Variants in RAB3GAP2 observed in about 807,000 individuals in gnomAD.
RAB3GAP2 encodes rab3 GTPase-activating protein non-catalytic subunit.
A neutral mutation model predicts 185.3 loss-of-function variants in RAB3GAP2; 87 were observed. The observed-to-expected ratio is 0.47, with a 90% CI of 0.39 to 0.56. The LOEUF (loss-of-function observed/expected upper bound fraction) is 0.56. Ranked by LOEUF, RAB3GAP2 falls within the 20% of genes least tolerant of loss-of-function variation. The pLI, the probability that RAB3GAP2 is intolerant of heterozygous loss-of-function variation, is 0.00. For missense variants in RAB3GAP2, 1,492 were observed against 1,638.2 expected, an observed-to-expected ratio of 0.91 and a Z score of 1.54; for synonymous variants, 554 against 576.1, an observed-to-expected ratio of 0.96 and a Z score of 0.55.
chr1:220,269,752 A>G lies in RAB3GAP2; in HGVS notation c.115+2471T>C, dbSNP rs575008114. ...AAAAGGCAATGTTGTGATCTAAATT[A>G]TGCCTTAAAAGCTCACTGTAACTAC... On this transcript the variant is annotated intron_variant, in intron 1 of 34. Transcript: ENST00000358951. 5.1e-4 allele frequency among the ~76,000 whole-genome samples: 78 copies of G among 152,284 alleles called. 3 individuals are homozygous for G. The South Asian group carries it at 0.016, about 30-fold the overall frequency.
At chr1:220,183,112 A>C (rs1412812332) in intron 19 of RAB3GAP2, among the ~76,000 whole-genome samples, 181 bp from the exon 20 acceptor site, 1 of 152,236 alleles carries the variant, frequency 6.6e-6, no homozygotes, top group Non-Finnish European at 1.5e-5. Flanking sequence ...TAAATAAAGT[A>C]AACTATAATT....
intron 26 of RAB3GAP2, among the ~76,000 whole-genome samples, chr1:220,166,000 G>A (rs2102856357): frequency 6.6e-6 from 1 of 152,210 alleles, no homozygotes; most frequent in South Asian, 2.1e-4. Context: ...TCAGATTTTA[G>A]AAATTATTAT....
intron 26 of RAB3GAP2, among the ~76,000 whole-genome samples, chr1:220,166,350 A>C (rs1222469178): frequency 6.6e-6 from 1 of 152,240 alleles, no homozygotes; most frequent in Non-Finnish European, 1.5e-5. Flanking sequence ...ACCTCATATA[A>C]GGAAGATAAA....
intron 9 of RAB3GAP2, among the ~76,000 whole-genome samples, chr1:220,200,374 A>AT: frequency 6.6e-6 from 1 of 152,236 alleles, no homozygotes; most frequent in East Asian, 1.9e-4. Context: ...TTTGATATTC[A>AT]TTTAGTTTAT....
At chr1:220,166,373 G>T (rs1658062322) in intron 26 of RAB3GAP2, among the ~76,000 whole-genome samples, 1 of 152,192 alleles carries the variant, frequency 6.6e-6, no homozygotes, top group African/African-American at 2.4e-5. Flanking sequence ...TAAGAATTTT[G>T]ATTTGAGAGG....
chr1:220,174,977 G>C (rs1658260004), intron 21 of RAB3GAP2, among the ~76,000 whole-genome samples: 1 of 152,056 alleles, frequency 6.6e-6, no homozygotes, highest in African/African-American at 2.4e-5. Flanking sequence ...TCACCACTAG[G>C]TAGGCTGAAA....
intron 1 of RAB3GAP2, chr1:220,253,723 A>T: frequency 1.2e-6 from 2 of 1,611,100 alleles, no homozygotes; most frequent in Non-Finnish European, 1.7e-6. Context: ...TTGGAATAAA[A>T]ATTGGGATGA....
intron 1 of RAB3GAP2, among the ~76,000 whole-genome samples, chr1:220,245,786 G>C (rs1275134292): frequency 6.6e-6 from 1 of 152,210 alleles, no homozygotes; most frequent in East Asian, 1.9e-4. Context: ...GCTTTGAAGA[G>C]AGCAGTGGTT....
chr1:220,183,513 A>G (rs1170538449), intron 19 of RAB3GAP2, among the ~76,000 whole-genome samples: 3 of 151,966 alleles, frequency 2.0e-5, no homozygotes, highest in East Asian at 3.9e-4. Flanking sequence ...TCAGCTTCCC[A>G]AAGTGTTAAG....
At chr1:220,203,276 T>A (rs1199223493) in intron 8 of RAB3GAP2, among the ~76,000 whole-genome samples, 1 of 152,224 alleles carries the variant, frequency 6.6e-6, no homozygotes, top group African/African-American at 2.4e-5. Context: ...TGCCATAGAT[T>A]CATGTACATC....
intron 1 of RAB3GAP2, among the ~76,000 whole-genome samples, chr1:220,238,208 T>A (rs918318425): frequency 3.9e-5 from 6 of 152,066 alleles, no homozygotes; most frequent in African/African-American, 1.4e-4. Context: ...GCCTGGCTAA[T>A]TTTTTTTCTC....
At chr1:220,170,068 A>G (rs1044948318) in intron 24 of RAB3GAP2, among the ~76,000 whole-genome samples, 1 of 152,196 alleles carries the variant, frequency 6.6e-6, no homozygotes, top group African/African-American at 2.4e-5. Context: ...GCACAGATAC[A>G]CAAAGGAATA....
chr1:220,159,920 G>A (rs1657933795), intron 28 of RAB3GAP2, among the ~76,000 whole-genome samples: 1 of 152,082 alleles, frequency 6.6e-6, no homozygotes, highest in African/African-American at 2.4e-5. Context: ...GGGAGGCTGA[G>A]GCAGGGGAAT....
intron 21 of RAB3GAP2, among the ~76,000 whole-genome samples, chr1:220,179,244 C>CTA (rs1658355242): frequency 3.5e-5 from 2 of 56,834 alleles, no homozygotes; most frequent in Non-Finnish European, 6.6e-5. Flanking sequence ...GAGACTGTCT[C>CTA]AAAAAAAAAA....
Position 220,153,181 on chromosome 1 carries a change from T to A in RAB3GAP2, c.3867+4A>T, listed in dbSNP as rs1349765146. On this transcript the variant is annotated splice_donor_region_variant and intron_variant, in intron 33 of 34. Coordinates refer to ENST00000358951, the MANE Select transcript of RAB3GAP2 (RefSeq NM_012414.4). ...CCAATTAACATTCAAAGGGTCATGA[T>A]TACCTCTTCTCCTAAGTGGTCAACT... 3 of 1,596,776 alleles carry A rather than the reference T, an allele frequency of 1.9e-6. No homozygotes were observed. The East Asian group carries it at 6.7e-5, about 36-fold the overall frequency.
At chr1:220,207,342 T>C (rs1658987991) in intron 7 of RAB3GAP2, among the ~76,000 whole-genome samples, 1 of 152,220 alleles carries the variant, frequency 6.6e-6, no homozygotes, top group Non-Finnish European at 1.5e-5. Flanking sequence ...TATATTGTCA[T>C]CAAAAGTTTG....
At chr1:220,228,441 A>G (rs1167584482) in intron 2 of RAB3GAP2, among the ~76,000 whole-genome samples, 1 of 152,198 alleles carries the variant, frequency 6.6e-6, no homozygotes, top group Non-Finnish European at 1.5e-5. Flanking sequence ...AAACTTCATA[A>G]TAGTGCTATA....
intron 1 of RAB3GAP2, among the ~76,000 whole-genome samples, chr1:220,255,706 A>G (rs1367109599): frequency 6.6e-6 from 1 of 152,220 alleles, no homozygotes; most frequent in Non-Finnish European, 1.5e-5. Flanking sequence ...TCTTTCTGAA[A>G]TAAGACAGTC....
intron 9 of RAB3GAP2, among the ~76,000 whole-genome samples, chr1:220,198,747 T>A (rs1224660443): frequency 1.3e-5 from 2 of 152,182 alleles, no homozygotes. Context: ...GAGTTATTAT[T>A]ACCTTGTCAT....
Sources: allele counts gnomAD v4.1 joint callset (sites outside exome capture counted in the v4.1 genomes callset), GRCh38; gene constraint gnomAD v4.1.1; transcripts MANE v1.5; gene names NCBI Gene and HGNC (gene_info 2026-07-23, HGNC 2026-07-21).